DLG2: variants seen among roughly 807,000 people sequenced by gnomAD.
DLG2 encodes the protein disks large homolog 2.
In DLG2, 45 loss-of-function variants were observed where a neutral mutation model predicts 132.5. The ratio of observed to expected loss-of-function variants is 0.34; its 90% CI spans 0.27 to 0.44. The LOEUF is 0.44. Among genes scored for constraint, DLG2 ranks in the 20% least tolerant of loss-of-function variants. DLG2 has a pLI of 1.00. For missense variants in DLG2, 1,045 were observed against 1,196.9 expected (o/e 0.87, Z 1.87); for synonymous variants, 424 against 419.6 (o/e 1.01, Z -0.13).
At chr11:83,909,667 ATG>A (rs1324048893) in intron 15 of DLG2, among the ~76,000 whole-genome samples, 1 of 152,212 alleles carries the variant, frequency 6.6e-6, no homozygotes, top group Non-Finnish European at 1.5e-5. Context: ...ATGAAACGAA[ATG>A]GGGAGAAATT....
At chr11:84,354,140 T>A (rs1351158043) in intron 7 of DLG2, among the ~76,000 whole-genome samples, 1 of 152,200 alleles carries the variant, frequency 6.6e-6, no homozygotes, top group African/African-American at 2.4e-5. Context: ...CACAATACAG[T>A]ATTTTTAAGT....
At chr11:83,919,823 A>G (rs1032693635) in intron 15 of DLG2, among the ~76,000 whole-genome samples, 1 of 152,236 alleles carries the variant, frequency 6.6e-6, no homozygotes. Flanking sequence ...AGGCTGATGG[A>G]ATAATATCTT....
chr11:84,775,244 A>G (rs1275141847), intron 6 of DLG2, among the ~76,000 whole-genome samples: 1 of 152,198 alleles, frequency 6.6e-6, no homozygotes, highest in Non-Finnish European at 1.5e-5. Flanking sequence ...CATACCCATC[A>G]GAATGGCTAT....
chr11:83,481,882 T>C (rs1015295831), intron 22 of DLG2, among the ~76,000 whole-genome samples: 3 of 152,132 alleles, frequency 2.0e-5, no homozygotes, highest in Non-Finnish European at 4.4e-5. Flanking sequence ...AACAAACATT[T>C]GCATATTCTG....
At chr11:84,327,963 T>C (rs2098440644) in intron 7 of DLG2, among the ~76,000 whole-genome samples, 1 of 152,196 alleles carries the variant, frequency 6.6e-6, no homozygotes, top group Admixed American at 6.5e-5. Context: ...AGGATGGCTT[T>C]TGATTAGACT....
chr11:83,590,553 T>G (rs887622285), intron 19 of DLG2, among the ~76,000 whole-genome samples: 1 of 151,452 alleles, frequency 6.6e-6, no homozygotes, highest in Non-Finnish European at 1.5e-5. Flanking sequence ...GATCCAAAAT[T>G]GACACCCTAA....
At chr11:83,557,642 G>GT (rs2096542452) in intron 19 of DLG2, among the ~76,000 whole-genome samples, 1 of 152,168 alleles carries the variant, frequency 6.6e-6, no homozygotes, top group African/African-American at 2.4e-5. Flanking sequence ...GCTTGTAGGT[G>GT]TTTCATCTTT....
At chr11:83,802,297 A>C (rs943083446) in intron 17 of DLG2, among the ~76,000 whole-genome samples, 1 of 152,128 alleles carries the variant, frequency 6.6e-6, no homozygotes, top group Non-Finnish European at 1.5e-5. Flanking sequence ...CTCTGGGCTG[A>C]AGGCTAAATT....
chr11:84,835,530 A>G (rs182992444), intron 6 of DLG2, among the ~76,000 whole-genome samples: 84 of 151,880 alleles, frequency 5.5e-4, no homozygotes, highest in African/African-American at 2.0e-3. Flanking sequence ...AATAAATTCT[A>G]TCACCATTAT....
intron 7 of DLG2, among the ~76,000 whole-genome samples, chr11:84,462,579 C>T (rs998957114): frequency 6.6e-6 from 1 of 150,996 alleles, no homozygotes; most frequent in Non-Finnish European, 1.5e-5. Flanking sequence ...GCTGTAAAGT[C>T]ACAATTTATC....
chr11:85,611,753 A>C (rs555547915), intron 2 of DLG2, among the ~76,000 whole-genome samples: 3 of 152,252 alleles, frequency 2.0e-5, no homozygotes, highest in Non-Finnish European at 4.4e-5. Flanking sequence ...GGGAGTTCCT[A>C]ACCTCTGGGG....
intron 6 of DLG2, among the ~76,000 whole-genome samples, chr11:84,747,676 C>T (rs1348959668): frequency 6.6e-6 from 1 of 152,066 alleles, no homozygotes; most frequent in Non-Finnish European, 1.5e-5. Flanking sequence ...CCTTTTTTTC[C>T]TCTATCCCTA....
At chr11:83,828,716 T>C (rs2053607461) in intron 17 of DLG2, among the ~76,000 whole-genome samples, 1 of 152,320 alleles carries the variant, frequency 6.6e-6, no homozygotes, top group East Asian at 1.9e-4. Context: ...GCCCTCCTTA[T>C]ACATGGGTAT....
chr11:84,945,527 T>C lies in DLG2; in HGVS notation c.357+166134A>G, dbSNP rs527307261. ...ATCAGACCTGAAGCCAGCATGGCAC[T>C]GGGTCTCGCCCAAGACCCATGTCAA... On this transcript the variant is annotated intron_variant, in intron 6 of 27. Transcript: ENST00000376104. Among the ~76,000 whole-genome samples the C allele has an allele frequency of 2.0e-4, 30 of 152,348 alleles. No homozygotes were observed. The East Asian group carries it at 5.6e-3, about 28-fold the overall frequency.
At chr11:84,010,470 A>G (rs1324661956) in intron 11 of DLG2, among the ~76,000 whole-genome samples, 1 of 151,574 alleles carries the variant, frequency 6.6e-6, no homozygotes, top group Non-Finnish European at 1.5e-5. Flanking sequence ...TTTTTTATTT[A>G]GTTTTATTTT....
At chr11:85,470,890 T>G (rs914772549) in intron 3 of DLG2, among the ~76,000 whole-genome samples, 2 of 152,180 alleles carry the variant, frequency 1.3e-5, no homozygotes, top group African/African-American at 4.8e-5. Flanking sequence ...ATGTTTACAT[T>G]TCAAAGGAGG....
intron 6 of DLG2, among the ~76,000 whole-genome samples, chr11:84,696,368 T>C (rs1019804771): frequency 2.6e-5 from 4 of 151,486 alleles, no homozygotes; most frequent in African/African-American, 9.7e-5. Context: ...AATTGGGGCT[T>C]AGAGAAGTTG....
chr11:84,677,271 C>T (rs1180915797), intron 6 of DLG2, among the ~76,000 whole-genome samples: 5 of 152,032 alleles, frequency 3.3e-5, no homozygotes, highest in Non-Finnish European at 5.9e-5. Context: ...AAGTGCATTT[C>T]AGGATATTCC....
intron 19 of DLG2, among the ~76,000 whole-genome samples, chr11:83,625,879 A>G (rs960807047): frequency 9.2e-5 from 14 of 152,208 alleles, no homozygotes; most frequent in Non-Finnish European, 2.9e-5. Context: ...GACTCGATGC[A>G]CTTGGTGTCA....
Sources: allele counts gnomAD v4.1 joint callset (sites outside exome capture counted in the v4.1 genomes callset), GRCh38; gene constraint gnomAD v4.1.1; transcripts MANE v1.5; gene names NCBI Gene and HGNC (gene_info 2026-07-23, HGNC 2026-07-21).